SARNP: variants seen among roughly 807,000 people sequenced by gnomAD.
The protein encoded by SARNP is SAP domain-containing ribonucleoprotein.
A neutral mutation model predicts 38.1 loss-of-function variants in SARNP; 5 were observed. The observed-to-expected ratio is 0.13, with a 90% CI of 0.07 to 0.28. The LOEUF is 0.28. Ranked by LOEUF, SARNP falls within the 10% of genes least tolerant of loss-of-function variation. The pLI is 1.00. For missense variants in SARNP, 180 were observed against 243.9 expected (o/e 0.74, Z 1.75); for synonymous variants, 84 against 80.6 (o/e 1.04, Z -0.23).
At chr12:55,777,633 C>T (rs949600846) in intron 9 of SARNP, among the ~76,000 whole-genome samples, 1 of 152,118 alleles carries the variant, frequency 6.6e-6, no homozygotes, top group African/African-American at 2.4e-5. Context: ...CTCGGCCTCC[C>T]TAAGTGCTGG....
intron 9 of SARNP, among the ~76,000 whole-genome samples, chr12:55,766,632 G>GGGGGGGGGGT (rs1565671275): frequency 2.1e-5 from 1 of 46,548 alleles, no homozygotes; most frequent in African/African-American, 1.0e-4. Context: ...GGGGGGGGGG[G>GGGGGGGGGGT]TTGTTTTTTT....
chr12:55,817,723 A>G lies in SARNP; in HGVS notation c.-22T>C. On this transcript the variant is annotated 5_prime_UTR_variant, in exon 1 of 11. Transcript: ENST00000336133. ...CCATCTTGTTACCCCTCACTCCACTAGGCCCCCACCCGCGGCCTCCGCCTC... is the reference window on the plus strand; with the variant it reads ...CCATCTTGTTACCCCTCACTCCACTGGGCCCCCACCCGCGGCCTCCGCCTC... 6.2e-7 allele frequency: 1 copy of G among 1,608,036 alleles called. No individual in the cohort carries two copies. Among genetic ancestry groups the G allele is most frequent in the Non-Finnish European group, 8.5e-7 (1 of 1,177,706 alleles).
chr12:55,757,735 G>T (rs1878555765), intron 10 of SARNP, among the ~76,000 whole-genome samples, 182 bp from the exon 11 acceptor site: 1 of 152,182 alleles, frequency 6.6e-6, no homozygotes, highest in South Asian at 2.1e-4. Context: ...CAGTTATCCA[G>T]TAGGAGCTGG....
At chr12:55,784,170 T>G (rs11171677) in intron 9 of SARNP, among the ~76,000 whole-genome samples, 12,620 of 152,176 alleles carry the variant, frequency 0.083, 720 homozygotes, top group African/African-American at 0.15. Context: ...CCTGCTAACC[T>G]CCACTATTTT....
chr12:55,795,993 G>A, intron 5 of SARNP, 32 bp downstream of exon 5: 1 of 1,471,180 alleles, frequency 6.8e-7, no homozygotes, highest in Non-Finnish European at 9.5e-7. Flanking sequence ...GAGAAATGTA[G>A]AGACTGTTCT....
chr12:55,783,525 T>A (rs906420966), intron 9 of SARNP, among the ~76,000 whole-genome samples: 2 of 149,268 alleles, frequency 1.3e-5, no homozygotes, highest in African/African-American at 5.0e-5. Context: ...GCTGGAAACA[T>A]GAACAAACAG....
chr12:55,779,216 G>C (rs1416310629), intron 9 of SARNP, among the ~76,000 whole-genome samples: 21 of 152,164 alleles, frequency 1.4e-4, no homozygotes, highest in Admixed American at 1.4e-3. Flanking sequence ...TATTCAAATG[G>C]AAGAAGGATT....
downstream of SARNP, chr12:55,757,244 A>C (rs1878534597): frequency 3.2e-6 from 1 of 308,474 alleles, no homozygotes; most frequent in African/African-American, 2.2e-5. Context: ...CCAATAAATC[A>C]AAGGAGCACC....
At chr12:55,760,225 A>G (rs1465111305) in intron 10 of SARNP, among the ~76,000 whole-genome samples, 3 of 152,010 alleles carry the variant, frequency 2.0e-5, no homozygotes, top group Non-Finnish European at 4.4e-5. Flanking sequence ...GTGGCCAGAC[A>G]TAGTGGCTCA....
chr12:55,782,223 A>C (rs995706491), intron 9 of SARNP, among the ~76,000 whole-genome samples: 5 of 152,234 alleles, frequency 3.3e-5, no homozygotes, highest in Admixed American at 1.3e-4. Flanking sequence ...TAAGGATATA[A>C]AATGCTTGTA....
intron 9 of SARNP, among the ~76,000 whole-genome samples, chr12:55,785,456 T>C (rs575808510): frequency 6.6e-6 from 1 of 152,138 alleles, no homozygotes; most frequent in South Asian, 2.1e-4. Flanking sequence ...GTATCACTGT[T>C]AGGTAATTTC....
At position 55,800,383 on chromosome 12, in the gene SARNP, G is replaced by C. The variant is rs902046109; in HGVS notation, c.251+179C>G. On this transcript the variant is annotated intron_variant, in intron 4 of 10. Transcript: ENST00000336133. ...CTATTACATAACTCAGAGACAATTT[G>C]CTTTACTTCACTGGGACCAAGTACT... Among the ~76,000 whole-genome samples, 3 of 152,156 alleles carry C rather than the reference G, an allele frequency of 2.0e-5. No individual in the cohort carries two copies. In the South Asian group the frequency reaches 6.2e-4, roughly 32 times the overall value.
chr12:55,761,622 G>C (rs1283337754), intron 9 of SARNP: 1 of 152,180 alleles, frequency 6.6e-6, no homozygotes, highest in Non-Finnish European at 1.5e-5. Context: ...TATTCTAGGT[G>C]TTTTGTATCA....
intron 1 of SARNP, among the ~76,000 whole-genome samples, chr12:55,807,540 C>T (rs1210919045): frequency 6.6e-6 from 1 of 151,522 alleles, no homozygotes; most frequent in African/African-American, 2.4e-5. Flanking sequence ...TGGTGGCTCA[C>T]TCCTGTAATC....
chr12:55,802,787 G>A (rs1880019555), intron 2 of SARNP, among the ~76,000 whole-genome samples: 1 of 151,326 alleles, frequency 6.6e-6, no homozygotes, highest in South Asian at 2.1e-4. Flanking sequence ...TATAGTAGCA[G>A]AGGCTTGGTG....
At chr12:55,772,415 C>CCACT (rs1879033891) in intron 9 of SARNP, among the ~76,000 whole-genome samples, 1 of 152,140 alleles carries the variant, frequency 6.6e-6, no homozygotes, top group Non-Finnish European at 1.5e-5. Context: ...CAGCTCAGAA[C>CCACT]CACTCACTCA....
At chr12:55,753,291 T>C (rs1878383877), downstream of SARNP, 1 of 152,156 alleles carries the variant, frequency 6.6e-6, no homozygotes, top group Non-Finnish European at 1.5e-5. Flanking sequence ...CTCAACGAAG[T>C]TTGACAAAAA....
intron 9 of SARNP, among the ~76,000 whole-genome samples, chr12:55,776,851 C>T (rs149400846): frequency 2.6e-5 from 4 of 152,250 alleles, no homozygotes; most frequent in Admixed American, 2.6e-4. Context: ...ACAATAAGCC[C>T]ATCTCAAGAA....
chr12:55,817,531 CAA>C (rs1880531726), intron 1 of SARNP, 133 bp downstream of exon 1: 1 of 779,174 alleles, frequency 1.3e-6, no homozygotes, highest in Admixed American at 2.6e-5. Context: ...AAGGGTGGCA[CAA>C]AAGAGCTACG....
Sources: gnomAD v4.1 joint callset for allele counts (sites outside exome capture counted in the v4.1 genomes callset) on GRCh38, gnomAD v4.1.1 for gene constraint, MANE v1.5 for transcripts, NCBI Gene and HGNC (gene_info 2026-07-23, HGNC 2026-07-21) for gene names.